Variants in PTPRM observed in about 807,000 individuals in gnomAD.
The protein encoded by PTPRM is protein tyrosine phosphatase receptor type M, also known as receptor-type tyrosine-protein phosphatase mu.
In PTPRM, 47 loss-of-function variants were observed where a neutral mutation model predicts 186.7. The ratio of observed to expected loss-of-function variants is 0.25; its 90% confidence interval spans 0.20 to 0.32. PTPRM has a LOEUF of 0.32. PTPRM is among the 10% of genes least tolerant of loss of function. The pLI, the probability that PTPRM is intolerant of heterozygous loss-of-function variation, is 1.00. For missense variants in PTPRM, 1,494 were observed against 1,865.0 expected (o/e 0.80, Z 3.66); for synonymous variants, 668 against 674.9 (o/e 0.99, Z 0.16).
intron 25 of PTPRM, 79 bp downstream of exon 25, chr18:8,376,279 GT>G (rs2095694462): frequency 6.4e-7 from 1 of 1,564,852 alleles, no homozygotes; most frequent in African/African-American, 1.4e-5. Flanking sequence ...TGATGAGTAT[GT>G]TTTAGAACTT....
chr18:8,063,648 G>C (rs1458726685), intron 7 of PTPRM, among the ~76,000 whole-genome samples: 3 of 152,030 alleles, frequency 2.0e-5, no homozygotes, highest in African/African-American at 7.2e-5. Flanking sequence ...ATTTTTTATG[G>C]ATTTAGGGGT....
chr18:8,275,817 C>T (rs1030304577), intron 19 of PTPRM, among the ~76,000 whole-genome samples: 6 of 152,120 alleles, frequency 3.9e-5, no homozygotes, highest in East Asian at 1.9e-4. Context: ...TGTCTCTGAT[C>T]GATTCAGTCA....
At chr18:8,018,637 CT>C (rs113300651) in intron 7 of PTPRM, among the ~76,000 whole-genome samples, 4,217 of 152,048 alleles carry the variant, frequency 0.028, 114 homozygotes, top group African/African-American at 0.07. Flanking sequence ...ATTAATTTCC[CT>C]TTTTTTATGT....
At chr18:8,080,223 C>A (rs1387418854) in intron 9 of PTPRM, among the ~76,000 whole-genome samples, 1 of 152,088 alleles carries the variant, frequency 6.6e-6, no homozygotes, top group Non-Finnish European at 1.5e-5. Flanking sequence ...GTATGCCAAA[C>A]CTATTTCTAG....
At chr18:8,292,710 G>A (rs935300443) in intron 19 of PTPRM, among the ~76,000 whole-genome samples, 1 of 152,136 alleles carries the variant, frequency 6.6e-6, no homozygotes, top group Non-Finnish European at 1.5e-5. Context: ...TTCCTGCAGT[G>A]GCTCCCATGC....
At chr18:7,680,544 G>A (rs1350626904) in intron 1 of PTPRM, among the ~76,000 whole-genome samples, 1 of 152,122 alleles carries the variant, frequency 6.6e-6, no homozygotes, top group African/African-American at 2.4e-5. Context: ...TGACATTTCG[G>A]GTAGACGTAG....
Position 7,567,976 on chromosome 18 carries a change from C to A in PTPRM, c.73+85C>A. ...CGCCGACAGCTCCCTGGTGGTAGAG[C>A]CCTAAGGCTGGCGTCGGGGCCGGGC... On this transcript the variant is annotated intron_variant, in intron 1 of 32. Transcript: ENST00000580170. The surrounding 1 kb of genome is among the most constrained non-coding windows in gnomAD (Gnocchi z 4.3). 7.5e-7 allele frequency: 1 copy of A among 1,327,516 alleles called. No individual in the cohort carries two copies. The highest frequency in any genetic ancestry group is 9.8e-7 in the Non-Finnish European group (1 of 1,015,754). The allele number at this position is 1,327,516 out of a possible 1,614,324, so 82.2% of individuals were successfully genotyped here.
chr18:8,270,977 G>C (rs575238207), intron 19 of PTPRM, among the ~76,000 whole-genome samples: 6 of 152,162 alleles, frequency 3.9e-5, no homozygotes, highest in Non-Finnish European at 8.8e-5. Flanking sequence ...CTTGAAATTT[G>C]CTGAGACTTA....
intron 14 of PTPRM, among the ~76,000 whole-genome samples, chr18:8,162,393 G>A (rs1051282872): frequency 2.6e-5 from 4 of 152,200 alleles, no homozygotes; most frequent in East Asian, 1.9e-4. Context: ...GAGCTACCGC[G>A]CCTGGCCTAA....
chr18:8,174,201 C>A (rs182013681), intron 14 of PTPRM, among the ~76,000 whole-genome samples: 153 of 152,294 alleles, frequency 1.0e-3, no homozygotes, highest in Middle Eastern at 3.4e-3. Context: ...AGAATTCTGG[C>A]TCTTCATCCC....
chr18:7,914,470 C>CT (rs1278008421), intron 4 of PTPRM, among the ~76,000 whole-genome samples: 1 of 151,930 alleles, frequency 6.6e-6, no homozygotes, highest in Non-Finnish European at 1.5e-5. Context: ...AATTACTTGG[C>CT]TTTTTTTGGA....
At chr18:7,873,030 T>G (rs2048055847) in intron 2 of PTPRM, among the ~76,000 whole-genome samples, 1 of 152,212 alleles carries the variant, frequency 6.6e-6, no homozygotes, top group South Asian at 2.1e-4. Flanking sequence ...TGTTTTTCAA[T>G]GAATGTTGGT....
intron 2 of PTPRM, among the ~76,000 whole-genome samples, chr18:7,876,776 A>G (rs1474943386): frequency 6.6e-6 from 1 of 152,236 alleles, no homozygotes; most frequent in Non-Finnish European, 1.5e-5. Flanking sequence ...TATACTTACA[A>G]GGATATAATG....
chr18:8,057,236 T>C (rs2088042565), intron 7 of PTPRM, among the ~76,000 whole-genome samples: 1 of 151,824 alleles, frequency 6.6e-6, no homozygotes, highest in African/African-American at 2.4e-5. Flanking sequence ...TAAAAAGTGA[T>C]CTGAAACAAA....
At chr18:7,713,697 CAAAAA>C (rs139119900) in intron 1 of PTPRM, among the ~76,000 whole-genome samples, 1 of 115,918 alleles carries the variant, frequency 8.6e-6, no homozygotes. Flanking sequence ...AAATGGAAAG[CAAAAA>C]AAAAAAAAAA....
chr18:8,288,162 CAG>C (rs1333321041), intron 19 of PTPRM, among the ~76,000 whole-genome samples: 2 of 152,210 alleles, frequency 1.3e-5, no homozygotes, highest in Non-Finnish European at 2.9e-5. Context: ...TAAGAAGCAG[CAG>C]AGAGTCTTGC....
intron 1 of PTPRM, among the ~76,000 whole-genome samples, chr18:7,579,597 G>C (rs1011467338): frequency 1.3e-5 from 2 of 152,140 alleles, no homozygotes; most frequent in African/African-American, 2.4e-5. Context: ...CTTGCAACTT[G>C]GTGACCTCTA....
chr18:7,819,578 C>T lies in PTPRM; in HGVS notation c.196+45307C>T, dbSNP rs116736895. Among the ~76,000 whole-genome samples, 1,016 of 152,310 alleles carry T rather than the reference C, an allele frequency of 6.7e-3. 13 individuals carry two copies. Among genetic ancestry groups the T allele is most frequent in the African/African-American group, 0.023 (943 of 41,568 alleles). On this transcript the variant is annotated intron_variant, in intron 2 of 32. Transcript: ENST00000580170. ...GAGCTACTTCCACTCAATAAAACCT[C>T]GTCCTCATTCTCCAAGCCCACAGGT...
At chr18:8,354,520 A>T (rs148818935) in intron 23 of PTPRM, among the ~76,000 whole-genome samples, 4 of 152,348 alleles carry the variant, frequency 2.6e-5, no homozygotes, top group African/African-American at 9.6e-5. Context: ...GGTAGAGAGA[A>T]AGAATGTACT....
Sources: allele counts gnomAD v4.1 joint callset (sites outside exome capture counted in the v4.1 genomes callset), GRCh38; gene constraint gnomAD v4.1.1; non-coding constraint Gnocchi (gnomAD v3.1); transcripts MANE v1.5; gene names NCBI Gene and HGNC (gene_info 2026-07-23, HGNC 2026-07-21).